ARFGEF1: variants seen among roughly 807,000 people sequenced by gnomAD.
The protein encoded by ARFGEF1 is brefeldin A-inhibited guanine nucleotide-exchange protein 1.
Under a neutral mutation model 231.0 loss-of-function variants are expected in ARFGEF1, and 42 were observed. The ratio of observed to expected loss-of-function variants is 0.18; its 90% CI spans 0.14 to 0.24. The LOEUF is 0.24. Among genes scored for constraint, ARFGEF1 ranks in the 10% least tolerant of loss-of-function variants. The pLI is 1.00. For missense variants in ARFGEF1, 1,345 were observed against 2,192.0 expected, an observed-to-expected ratio of 0.61 and a Z score of 7.72; for synonymous variants, 710 against 732.3, an observed-to-expected ratio of 0.97 and a Z score of 0.49.
intron 29 of ARFGEF1, 71 bp from the exon 30 acceptor site, chr8:67,219,631 G>A (rs1587068499): frequency 6.8e-7 from 1 of 1,460,256 alleles, no homozygotes; most frequent in Non-Finnish European, 9.2e-7. Context: ...AGTTTTTAGA[G>A]TTCACAAAGC....
chr8:67,247,023 G>A (rs1452938303), intron 19 of ARFGEF1, among the ~76,000 whole-genome samples: 1 of 149,890 alleles, frequency 6.7e-6, no homozygotes, highest in Admixed American at 6.7e-5. Context: ...TAGACACATA[G>A]AATCTATGAA....
intron 23 of ARFGEF1, among the ~76,000 whole-genome samples, chr8:67,229,093 G>T (rs1331107365): frequency 6.6e-6 from 1 of 151,926 alleles, no homozygotes; most frequent in Non-Finnish European, 1.5e-5. Flanking sequence ...TCACAAGATG[G>T]GTTCTTTTCT....
In ARFGEF1 at chr8:67,267,450, TAGG is replaced by T. The variant is rs775380602; in HGVS notation, c.1573-11_1573-9del. On this transcript the variant is annotated splice_polypyrimidine_tract_variant and intron_variant, in intron 10 of 38. Coordinates refer to ENST00000262215, the MANE Select transcript of ARFGEF1 (RefSeq NM_006421.5). The stretch of plus-strand genomic sequence containing the variant: ...AATTTCTTTAAAGAACACCTGTGAT[TAGG>T]AGAAAACTTCTGTTTAAAATATTGT... 1.3e-6 allele frequency: 2 copies of T among 1,530,052 alleles called. No individual in the cohort carries two copies. Among genetic ancestry groups the T allele is most frequent in the Admixed American group, 3.5e-5 (2 of 57,482 alleles). 94.8% of individuals were successfully genotyped at this position (1,530,052 alleles called of 1,614,324 possible).
chr8:67,249,685 T>C (rs112511821), intron 19 of ARFGEF1, among the ~76,000 whole-genome samples: 3,616 of 138,806 alleles, frequency 0.026, 234 homozygotes, highest in South Asian at 0.051. Flanking sequence ...TGCAGTGGCC[T>C]GATCTTGGCT....
intron 1 of ARFGEF1, among the ~76,000 whole-genome samples, chr8:67,330,030 T>G (rs1046121300): frequency 6.6e-6 from 1 of 151,992 alleles, no homozygotes; most frequent in Admixed American, 6.6e-5. Context: ...TAATTTTAAC[T>G]TAGTGATAAA....
In ARFGEF1 at chr8:67,335,399, C is replaced by T. The variant is rs538726651; in HGVS notation, c.124+7765G>A. Among the ~76,000 whole-genome samples the T allele has an allele frequency of 5.8e-3, 877 of 152,222 alleles. 6 individuals carry two copies. The highest frequency in any genetic ancestry group is 8.0e-3 in the Non-Finnish European group (543 of 68,028). On this transcript the variant is annotated intron_variant, in intron 1 of 38. Coordinates refer to ENST00000262215, the MANE Select transcript of ARFGEF1 (RefSeq NM_006421.5). The stretch of plus-strand genomic sequence containing the variant: ...GGATCACAGGCGCCAGCCACCACGC[C>T]GGGCCCCGTATCACAGTAAATTTTA...
In ARFGEF1 at chr8:67,244,262, AAAAAAACAT is replaced by A. The variant is rs1180420817; in HGVS notation, c.2851-3981_2851-3973del. Among the ~76,000 whole-genome samples the A allele has an allele frequency of 4.3e-4, 11 of 25,632 alleles. 2 individuals carry two copies. The highest frequency in any genetic ancestry group is 2.5e-3 in the African/African-American group (11 of 4,384). 16.8% of individuals were successfully genotyped at this position (25,632 alleles called of 152,430 possible). On this transcript the variant is annotated intron_variant, in intron 19 of 38. Transcript: ENST00000262215. ...CACCTCAAAAAAAAAAAAAAAAAAA[AAAAAAACAT>A]TCGACTACTGAGTCTCTCGTCTCTC... is the stretch of plus-strand genomic sequence containing the variant.
chr8:67,211,158 A>G (rs1445640980), intron 34 of ARFGEF1, among the ~76,000 whole-genome samples: 1 of 151,860 alleles, frequency 6.6e-6, no homozygotes, highest in Non-Finnish European at 1.5e-5. Flanking sequence ...AGCCTGGCCA[A>G]TATGGTGAAA....
intron 1 of ARFGEF1, among the ~76,000 whole-genome samples, chr8:67,303,473 G>A (rs1315861908): frequency 6.6e-6 from 1 of 152,148 alleles, no homozygotes; most frequent in African/African-American, 2.4e-5. Flanking sequence ...CACTTGGGGA[G>A]GCCAAGGTGG....
chr8:67,202,579 T>C (rs754745732), intron 36 of ARFGEF1, among the ~76,000 whole-genome samples: 26 of 152,316 alleles, frequency 1.7e-4, no homozygotes, highest in Non-Finnish European at 3.1e-4. Flanking sequence ...AATTAAAAAA[T>C]TAACAATGTC....
chr8:67,185,034 G>A (rs1451302993), intron 5 of ARFGEF1, among the ~76,000 whole-genome samples: 3 of 149,988 alleles, frequency 2.0e-5, no homozygotes, highest in Non-Finnish European at 4.4e-5. Flanking sequence ...GAACCCGGGA[G>A]GCGGAGCTTG....
At position 67,343,517 on chromosome 8, in the gene ARFGEF1, G is replaced by A. The variant is rs778914759; in HGVS notation, c.-230C>T. 4 of 1,197,638 alleles carry A rather than the reference G, an allele frequency of 3.3e-6. No individual in the cohort carries two copies. The highest frequency in any genetic ancestry group is 4.2e-6 in the Non-Finnish European group (4 of 963,236). 74.2% of individuals were successfully genotyped at this position (1,197,638 alleles called of 1,614,324 possible). On this transcript the variant is annotated 5_prime_UTR_variant, in exon 1 of 39. Transcript: ENST00000262215. ...GCCCCCAAGAAGCCGTACCTCGAGG[G>A]CCGCGCCCGTCGGGCCTCCGCTTCT...
rs1357962390 is a variant in ARFGEF1, at chr8:67,258,125, T to C, written c.2401A>G (p.Met801Val). 1 of 1,614,068 alleles carries C rather than the reference T, an allele frequency of 6.2e-7. No homozygotes were observed. ...PGEAQKIDRLMEKFAARYLEC... is the reference protein window; with the variant it reads ...PGEAQKIDRLVEKFAARYLEC... ...AGGTATCTTGCAGCAAATTTTTCCATTAATCGATCGATTTTCTGAGCTTCC... is the reference window on the plus strand; with the variant it reads ...AGGTATCTTGCAGCAAATTTTTCCACTAATCGATCGATTTTCTGAGCTTCC... The change falls in exon 16 of 39, where the codon ATG (methionine) becomes GTG (valine). Residue 801 changes from methionine (M) to valine (V), a missense_variant. This residue lies in a region of ARFGEF1 where 58 missense variants were observed against 133.6 expected (regional missense o/e 0.43). Transcript: ENST00000262215.
At chr8:67,253,148 C>G (rs16933213) in intron 18 of ARFGEF1, among the ~76,000 whole-genome samples, 2,477 of 152,284 alleles carry the variant, frequency 0.016, 71 homozygotes, top group African/African-American at 0.057. Context: ...TCACCAAACT[C>G]TATTATAATA....
At chr8:67,327,025 A>C (rs1334623489) in intron 1 of ARFGEF1, among the ~76,000 whole-genome samples, 2 of 152,226 alleles carry the variant, frequency 1.3e-5, no homozygotes, top group African/African-American at 4.8e-5. Context: ...CTAGTTAGGC[A>C]TACTCCAAGC....
rs763311633 is a variant in ARFGEF1, at chr8:67,301,387, G to A, written c.156-7C>T. The A allele has an allele frequency of 1.2e-6, 2 of 1,605,060 alleles. No homozygotes were observed. The highest frequency in any genetic ancestry group is 1.7e-5 in the Admixed American group (1 of 57,150). ...TGCTTCTCCATGAGGAGGACTAAAT[G>A]AGAAAGAAAAGTCTGATTATAGCGT... On this transcript the variant is annotated splice_region_variant and splice_polypyrimidine_tract_variant and intron_variant, in intron 2 of 38. Coordinates refer to ENST00000262215, the MANE Select transcript of ARFGEF1 (RefSeq NM_006421.5).
intron 19 of ARFGEF1, among the ~76,000 whole-genome samples, chr8:67,242,088 A>C (rs542101758): frequency 6.6e-6 from 1 of 152,196 alleles, no homozygotes; most frequent in Non-Finnish European, 1.5e-5. Flanking sequence ...AAGCCACACC[A>C]GCATGGACTA....
At chr8:67,298,600 A>G (rs1183909594) in intron 4 of ARFGEF1, among the ~76,000 whole-genome samples, 1 of 152,206 alleles carries the variant, frequency 6.6e-6, no homozygotes, top group African/African-American at 2.4e-5. Flanking sequence ...ATATATATAC[A>G]TATGAAAAAC....
At chr8:67,290,437 A>G (rs1805959347) in intron 6 of ARFGEF1, among the ~76,000 whole-genome samples, 1 of 152,178 alleles carries the variant, frequency 6.6e-6, no homozygotes, top group Non-Finnish European at 1.5e-5. Context: ...CTTTCTCTAC[A>G]AAGAAATTTC....
Sources: allele counts gnomAD v4.1 joint callset (sites outside exome capture counted in the v4.1 genomes callset), GRCh38; gene constraint gnomAD v4.1.1; regional missense constraint gnomAD v4.1.1; transcripts MANE v1.5; gene names NCBI Gene and HGNC (gene_info 2026-07-23, HGNC 2026-07-21).